VPS28: variants seen among roughly 807,000 people sequenced by gnomAD.
VPS28 encodes VPS28 subunit of ESCRT-I.
A neutral mutation model predicts 33.7 loss-of-function variants in VPS28; 29 were observed. That is an observed-to-expected ratio of 0.86 (90% CI 0.64 to 1.17). The LOEUF is 1.17. Ranked by LOEUF, VPS28 falls within the 50% of genes most tolerant of loss-of-function variation. The pLI, the probability that VPS28 is intolerant of heterozygous loss-of-function variation, is 0.00. For missense variants in VPS28, 247 were observed against 312.2 expected (o/e 0.79, Z 1.57); for synonymous variants, 164 against 116.7 (o/e 1.40, Z -2.61).
chr8:144,424,394 A>C, intron 7 of VPS28, 126 bp from the exon 8 acceptor site: 2 of 1,282,632 alleles, frequency 1.6e-6, no homozygotes, highest in Non-Finnish European at 2.1e-6. Context: ...CTGTTCCCAA[A>C]CCCTGCAGGC....
rs781922235 is a variant in VPS28 at position 144,424,948 on chromosome 8, G to A, written c.298C>T (p.Arg100Cys). Reference sequence around the variant, plus strand: ...GGGTGGAAGGACCAGGCACTCACGCGGAACTTGCGGCAGAATTCGTCAATA... The same window carrying A: ...GGGTGGAAGGACCAGGCACTCACGCAGAACTTGCGGCAGAATTCGTCAATA... The part of the protein sequence containing the change: ...SSIDEFCRKF[R>C]LDCPLAMERI... Residue 100 changes from arginine to cysteine, a missense_variant and splice_region_variant, in exon 6 of 10, where the codon CGC becomes TGC. Around this residue, in one of 3 missense-constraint regions of VPS28, gnomAD observed 149 missense variants for 172.8 expected, o/e 0.86. Coordinates refer to ENST00000292510, the MANE Select transcript of VPS28 (RefSeq NM_016208.4). 2.5e-6 allele frequency: 4 copies of A among 1,579,644 alleles called. No individual in the cohort carries two copies. The highest frequency in any genetic ancestry group is 1.1e-5 in the South Asian group (1 of 87,792).
rs782245116 is a variant in VPS28 at position 144,425,056 on chromosome 8, G to A, written c.195-5C>T. 6.4e-7 allele frequency: 1 copy of A among 1,551,014 alleles called. No homozygotes were observed. Among genetic ancestry groups the A allele is most frequent in the Admixed American group, 2.0e-5 (1 of 51,004 alleles). On this transcript the variant is annotated splice_polypyrimidine_tract_variant and splice_region_variant and intron_variant, in intron 5 of 9. Coordinates refer to ENST00000292510, the MANE Select transcript of VPS28 (RefSeq NM_016208.4). ...CGGGAGCAGGCTGCAGTGTACCTAG[G>A]GAGAGGTCAGCTGCTGCCCAAGCAT... is the stretch of plus-strand genomic sequence containing the variant.
intron 2 of VPS28, chr8:144,426,552 T>C: frequency 2.3e-6 from 1 of 432,094 alleles, no homozygotes; most frequent in Non-Finnish European, 4.2e-6. Context: ...CATGGCTCCC[T>C]GGCGGAGTCA....
Position 144,425,671 on chromosome 8 carries a change from G to T in VPS28, c.194+12C>A, listed in dbSNP as rs782681368. 9.3e-6 allele frequency: 15 copies of T among 1,613,360 alleles called. No individual in the cohort carries two copies. The South Asian group carries it at 1.5e-4, about 17-fold the overall frequency. ...AGGGCAGGAACAGACCTCCCAGGAC[G>T]TGGGCTCTTACTCGCTGGGGGAGAC... On this transcript the variant is annotated intron_variant, in intron 5 of 9. Coordinates refer to ENST00000292510, the MANE Select transcript of VPS28 (RefSeq NM_016208.4).
chr8:144,424,742 G>A lies in VPS28; in HGVS notation c.378C>T (p.Asn126=), dbSNP rs782292665. 4.3e-6 allele frequency: 7 copies of A among 1,613,114 alleles called. No individual in the cohort carries two copies. The Admixed American group carries it at 6.7e-5, about 15-fold the overall frequency. The change falls in exon 7 of 10, where the codon AAC becomes AAT. Residue 126 remains asparagine (N), a synonymous_variant. Coordinates refer to ENST00000292510, the MANE Select transcript of VPS28 (RefSeq NM_016208.4). ...CCGAGACCACGTCTGCGATGCAGCG[G>A]TTGAGGTTGCCCTTGTCGTCCTTGA... The part of the protein sequence containing the change: ...ITIKDDKGNL[N]RCIADVVSLF...
In VPS28 at chr8:144,423,878, T is replaced by G; in HGVS notation, c.593A>C (p.Asp198Ala). The change falls in exon 10 of 10, where the codon GAC (aspartate) becomes GCC (alanine). Residue 198 changes from aspartate to alanine, a missense_variant. This residue lies in a region of VPS28 where 95 missense variants were observed against 118.3 expected (regional missense o/e 0.80). Coordinates refer to ENST00000292510, the MANE Select transcript of VPS28 (RefSeq NM_016208.4). ...SGMSASDELD[D>A]SQVRQMLFDL... ...GAACAGCATCTGACGCACCTGTGAG[T>G]CGTCCAGCTCATCTGACGCCGACAT... The G allele has an allele frequency of 6.2e-7, 1 of 1,613,056 alleles. No individual in the cohort carries two copies. Among genetic ancestry groups the G allele is most frequent in the Non-Finnish European group, 8.5e-7 (1 of 1,180,034 alleles).
chr8:144,426,657 G>C (rs1822772277), intron 2 of VPS28: 4 of 513,154 alleles, frequency 7.8e-6, no homozygotes, highest in South Asian at 2.3e-5. Flanking sequence ...TGGTGACACA[G>C]GGTGCCCAGG....
chr8:144,427,889 G>A (rs577999875), intron 1 of VPS28, among the ~76,000 whole-genome samples: 1 of 152,202 alleles, frequency 6.6e-6, no homozygotes, highest in East Asian at 1.9e-4. Context: ...GGGCCGGGCA[G>A]TAAGATAAAC....
intron 5 of VPS28, 74 bp from the exon 6 acceptor site, chr8:144,425,125 A>G (rs964031601): frequency 2.2e-6 from 3 of 1,377,282 alleles, no homozygotes; most frequent in Middle Eastern, 1.8e-4. Flanking sequence ...CGGCTGGTCC[A>G]GAGGCAAAGC....
chr8:144,424,957 G>A lies in VPS28; in HGVS notation c.289C>T (p.Arg97Cys), dbSNP rs782803588. 4.3e-5 allele frequency: 68 copies of A among 1,573,076 alleles called. No homozygotes were observed. Among genetic ancestry groups the A allele is most frequent in the Admixed American group, 9.5e-5 (5 of 52,750 alleles). ...GACCAGGCACTCACGCGGAACTTGC[G>A]GCAGAATTCGTCAATAGAGCTGATT... ...SEISSIDEFC[R>C]KFRLDCPLAM... The change falls in exon 6 of 10, where the codon CGC becomes TGC. Residue 97 changes from arginine (R) to cysteine (C), a missense_variant. Transcript: ENST00000292510.
Position 144,425,671 on chromosome 8 carries a change from G to A in VPS28, c.194+12C>T, listed in dbSNP as rs782681368. The A allele has an allele frequency of 1.3e-5, 21 of 1,613,360 alleles. No homozygotes were observed. The highest frequency in any genetic ancestry group is 3.3e-5 in the South Asian group (3 of 91,080). Reference sequence around the variant, plus strand: ...AGGGCAGGAACAGACCTCCCAGGACGTGGGCTCTTACTCGCTGGGGGAGAC... The same window carrying A: ...AGGGCAGGAACAGACCTCCCAGGACATGGGCTCTTACTCGCTGGGGGAGAC... On this transcript the variant is annotated intron_variant, in intron 5 of 9. Transcript: ENST00000292510.
chr8:144,426,844 C>A (rs1254165944), intron 2 of VPS28, 65 bp downstream of exon 2: 3 of 1,588,678 alleles, frequency 1.9e-6, no homozygotes, highest in South Asian at 1.1e-5. Context: ...ATCCCCAATA[C>A]CCAATACTGC....
chr8:144,426,900 C>T lies in VPS28; in HGVS notation c.37+9G>A, dbSNP rs561872731. The T allele has an allele frequency of 6.2e-7, 1 of 1,612,664 alleles. No individual in the cohort carries two copies. Among genetic ancestry groups the T allele is most frequent in the African/African-American group, 1.3e-5 (1 of 75,048 alleles). ...GGCTGAAAGCCTGCGCCCTTCCAGC[C>T]ACACTCACCTCCTATGCCCGGCGTG... On this transcript the variant is annotated intron_variant, in intron 2 of 9. Coordinates refer to ENST00000292510, the MANE Select transcript of VPS28 (RefSeq NM_016208.4).
Position 144,428,499 on chromosome 8 carries a change from C to T in VPS28, c.-45G>A, listed in dbSNP as rs1450329519. On this transcript the variant is annotated 5_prime_UTR_variant, in exon 1 of 10. Coordinates refer to ENST00000292510, the MANE Select transcript of VPS28 (RefSeq NM_016208.4). ...CCGGGCCCCGGGTACCTGGACGGCT[C>T]GCGGTCGGGAAGATGGCGCCGGGGG... 2 of 152,198 alleles carry T rather than the reference C, an allele frequency of 1.3e-5. No homozygotes were observed. Among genetic ancestry groups the T allele is most frequent in the Non-Finnish European group, 2.9e-5 (2 of 68,036 alleles). The allele number at this position is 152,198 out of a possible 1,614,324, so 9.4% of individuals were successfully genotyped here.
At chr8:144,426,411 G>A (rs2130820801) in intron 2 of VPS28, 1 of 647,230 alleles carries the variant, frequency 1.5e-6, no homozygotes, top group East Asian at 3.2e-5. Flanking sequence ...TGAGAAGCCG[G>A]GGGCCGCATG....
In VPS28 at chr8:144,423,714, G is replaced by A. The variant is rs1003209561; in HGVS notation, c.*91C>T. The A allele has an allele frequency of 2.6e-6, 4 of 1,513,324 alleles. No homozygotes were observed. Among genetic ancestry groups the A allele is most frequent in the Admixed American group, 1.8e-5 (1 of 55,790 alleles). 93.7% of individuals were successfully genotyped at this position (1,513,324 alleles called of 1,614,324 possible). A position where few individuals can be genotyped will look rare whatever the true frequency, so the allele number is the denominator to read the frequency against. On this transcript the variant is annotated 3_prime_UTR_variant, in exon 10 of 10. Transcript: ENST00000292510. ...GACAGGCAGCTGCAGACAGTGAGTT[G>A]TGTGGATGACCACGGCCTGTGTGGC...
At chr8:144,425,285 C>A (rs892572347) in intron 5 of VPS28, 5 of 594,190 alleles carry the variant, frequency 8.4e-6, no homozygotes, top group Non-Finnish European at 1.5e-5. Context: ...CCTGCCCACC[C>A]TCTGAACCAC....
rs1667149841 is a variant in VPS28, at chr8:144,426,301, G to A, written c.38-93C>T. The A allele has an allele frequency of 4.2e-6, 6 of 1,436,786 alleles. No individual in the cohort carries two copies. In the South Asian group the frequency reaches 7.3e-5, roughly 17 times the overall value. The allele number at this position is 1,436,786 out of a possible 1,614,324, so 89.0% of individuals were successfully genotyped here. A position where few individuals can be genotyped will look rare whatever the true frequency, so the allele number is the denominator to read the frequency against. ...GTCTCCATTTCAGTTCCTCCCTGAG[G>A]CCTCCCAGGCTGGGTCCCAAAGAGC... On this transcript the variant is annotated intron_variant, in intron 2 of 9. Transcript: ENST00000292510.
chr8:144,424,122 TC>T lies in VPS28; in HGVS notation c.466del (p.Asp156ThrfsTer5). 6.5e-7 allele frequency: 1 copy of T among 1,548,254 alleles called. No homozygotes were observed. Among genetic ancestry groups the T allele is most frequent in the Non-Finnish European group, 8.7e-7 (1 of 1,143,734 alleles). On this transcript the variant is annotated frameshift_variant, in exon 9 of 10. Coordinates refer to ENST00000292510, the MANE Select transcript of VPS28 (RefSeq NM_016208.4). LOFTEE classifies it high-confidence loss of function. Reference sequence around the variant, plus strand: ...CATGGTCTCCATCAGCTCTCGCAGGTCGGGCTGGATCTGAGACACACACAGC... The same window carrying T: ...CATGGTCTCCATCAGCTCTCGCAGGTGGGCTGGATCTGAGACACACACAGC... Reference protein sequence around the residue: ...EIRAMDEIQPDLRELMETMHR... With the variant: ...EIRAMDEIQPXLRELMETMHR...
Sources: allele counts gnomAD v4.1 joint callset (sites outside exome capture counted in the v4.1 genomes callset), GRCh38; gene constraint gnomAD v4.1.1; regional missense constraint gnomAD v4.1.1; transcripts MANE v1.5; gene names NCBI Gene and HGNC (gene_info 2026-07-23, HGNC 2026-07-21).